Variants in CARMIL1 observed in about 807,000 individuals in gnomAD.
CARMIL1 encodes the protein F-actin-uncapping protein LRRC16A.
CARMIL1 carries 90 observed loss-of-function variants against 177.1 expected under a neutral mutation model. The observed-to-expected ratio is 0.51, with a 90% CI of 0.43 to 0.61. The LOEUF is 0.61. Among genes scored for constraint, CARMIL1 ranks in the 20% least tolerant of loss-of-function variants. CARMIL1 has a pLI of 0.00. For missense variants in CARMIL1, 1,380 were observed against 1,667.0 expected (o/e 0.83, Z 3.00); for synonymous variants, 577 against 606.2 (o/e 0.95, Z 0.71).
At chr6:25,365,788 C>A (rs774663846) in intron 2 of CARMIL1, among the ~76,000 whole-genome samples, 1 of 152,038 alleles carries the variant, frequency 6.6e-6, no homozygotes, top group Admixed American at 6.6e-5. Context: ...TGAGTTCAAG[C>A]GATCCGCCTG....
At chr6:25,613,222 C>T (rs1045114022) in intron 36 of CARMIL1, among the ~76,000 whole-genome samples, 2 of 152,040 alleles carry the variant, frequency 1.3e-5, no homozygotes, top group African/African-American at 4.8e-5. Flanking sequence ...CTTTACTCTC[C>T]TGTTAGGTTT....
At chr6:25,607,214 GTT>G (rs3034232) in intron 35 of CARMIL1, among the ~76,000 whole-genome samples, 43,302 of 146,804 alleles carry the variant, frequency 0.29, 6,288 homozygotes, top group Non-Finnish European at 0.3. Flanking sequence ...CACACATTAG[GTT>G]TTTTTTTTTT....
Position 25,515,671 on chromosome 6 carries a change from G to T in CARMIL1, c.1633-4G>T, listed in dbSNP as rs371035386. ...CTGAGTGCCGTGTGTCATTTGCTCC[G>T]CAGCCTCTGCAGTCCTTGTCCCTGG... On this transcript the variant is annotated splice_polypyrimidine_tract_variant and splice_region_variant and intron_variant, in intron 20 of 36. Transcript: ENST00000329474. This position sits in a 1 kb window ranked among gnomAD's most constrained non-coding sequence, Gnocchi z 5.0. 1.9e-6 allele frequency: 3 copies of T among 1,595,594 alleles called. No individual in the cohort carries two copies. The highest frequency in any genetic ancestry group is 2.3e-5 in the East Asian group (1 of 44,068).
At chr6:25,404,065 A>G (rs1029791585) in intron 2 of CARMIL1, among the ~76,000 whole-genome samples, 4 of 152,232 alleles carry the variant, frequency 2.6e-5, no homozygotes, top group Non-Finnish European at 5.9e-5. Context: ...ATAGAGAGTC[A>G]GGAAGACACA....
At chr6:25,611,094 G>A (rs1406166923) in intron 36 of CARMIL1, among the ~76,000 whole-genome samples, 2 of 152,086 alleles carry the variant, frequency 1.3e-5, no homozygotes, top group East Asian at 3.9e-4. Context: ...ATTGATAATA[G>A]TATTGGGTTG....
intron 26 of CARMIL1, among the ~76,000 whole-genome samples, chr6:25,546,235 G>A (rs1308670653): frequency 2.0e-5 from 3 of 151,948 alleles, no homozygotes; most frequent in East Asian, 3.9e-4. Flanking sequence ...TATACTGAAG[G>A]TCTTAGCCAG....
intron 8 of CARMIL1, among the ~76,000 whole-genome samples, chr6:25,462,428 T>C (rs1800208874): frequency 6.6e-6 from 1 of 152,192 alleles, no homozygotes; most frequent in African/African-American, 2.4e-5. Flanking sequence ...CACTGTGTTA[T>C]AGCTGCTTTT....
chr6:25,587,952 A>G (rs1210850179), intron 31 of CARMIL1, among the ~76,000 whole-genome samples: 1 of 152,228 alleles, frequency 6.6e-6, no homozygotes, highest in African/African-American at 2.4e-5. Flanking sequence ...TGCATTTGAG[A>G]TTCAACCAAC....
At chr6:25,497,494 G>C (rs1002913957) in intron 16 of CARMIL1, among the ~76,000 whole-genome samples, 5 of 152,132 alleles carry the variant, frequency 3.3e-5, no homozygotes, top group African/African-American at 1.2e-4. Context: ...GAAAAGGGAA[G>C]GGGGAGAAAG....
intron 29 of CARMIL1, among the ~76,000 whole-genome samples, chr6:25,570,058 G>A (rs998553198): frequency 6.6e-6 from 1 of 151,734 alleles, no homozygotes; most frequent in African/African-American, 2.4e-5. Context: ...TCCGCCTCCC[G>A]AGTTCACGCC....
At chr6:25,357,233 G>T (rs6924407) in intron 2 of CARMIL1, among the ~76,000 whole-genome samples, 1,794 of 152,192 alleles carry the variant, frequency 0.012, 30 homozygotes, top group African/African-American at 0.038. Flanking sequence ...CTGTTTCCTT[G>T]CTACAATTTG....
At chr6:25,551,225 A>G (rs1810073015) in intron 27 of CARMIL1, 140 bp downstream of exon 27, 1 of 631,968 alleles carries the variant, frequency 1.6e-6, no homozygotes, top group Non-Finnish European at 2.7e-6. Flanking sequence ...GTATATAAAT[A>G]TAACTGTGCA....
chr6:25,460,602 A>T (rs761860057), intron 8 of CARMIL1, among the ~76,000 whole-genome samples: 2 of 152,220 alleles, frequency 1.3e-5, no homozygotes, highest in Non-Finnish European at 2.9e-5. Context: ...TAAGCTCCTC[A>T]TTCTCAGCAT....
chr6:25,356,000 T>C (rs906083794), intron 2 of CARMIL1, among the ~76,000 whole-genome samples: 2 of 151,960 alleles, frequency 1.3e-5, no homozygotes, highest in African/African-American at 4.8e-5. Context: ...CCCTAGCTTA[T>C]AGTACAAGAA....
At chr6:25,405,553 C>T (rs1446075085) in intron 2 of CARMIL1, among the ~76,000 whole-genome samples, 4 of 152,298 alleles carry the variant, frequency 2.6e-5, no homozygotes, top group South Asian at 4.1e-4. Flanking sequence ...ATTCCCAGAT[C>T]GTAAGAGCTG....
intron 2 of CARMIL1, among the ~76,000 whole-genome samples, chr6:25,331,127 T>C (rs1785588389): frequency 6.6e-6 from 1 of 152,210 alleles, no homozygotes; most frequent in Non-Finnish European, 1.5e-5. Context: ...AGGATTGAAG[T>C]ATCTCCCTTG....
chr6:25,340,505 A>G (rs185578238), intron 2 of CARMIL1, among the ~76,000 whole-genome samples: 1 of 152,334 alleles, frequency 6.6e-6, no homozygotes, highest in Admixed American at 6.5e-5. Flanking sequence ...GGTTTAGGGT[A>G]TGACACTTAA....
chr6:25,313,695 T>TA (rs1561970791), intron 2 of CARMIL1, among the ~76,000 whole-genome samples: 4 of 119,022 alleles, frequency 3.4e-5, no homozygotes, highest in African/African-American at 1.3e-4. Flanking sequence ...ATATATACAG[T>TA]TATTTGGGAG....
At chr6:25,435,403 T>C in intron 4 of CARMIL1, 80 bp from the exon 5 acceptor site, 3 of 1,451,852 alleles carry the variant, frequency 2.1e-6, no homozygotes, top group Non-Finnish European at 2.8e-6. Context: ...TGTGTGACTA[T>C]GTAGTTTACA....
Sources: allele counts gnomAD v4.1 joint callset (sites outside exome capture counted in the v4.1 genomes callset), GRCh38; gene constraint gnomAD v4.1.1; non-coding constraint Gnocchi (gnomAD v3.1); transcripts MANE v1.5; gene names NCBI Gene and HGNC (gene_info 2026-07-23, HGNC 2026-07-21).